Variants in CACNA2D3 observed in about 807,000 individuals in gnomAD.
The protein encoded by CACNA2D3 is voltage-dependent calcium channel subunit alpha-2/delta-3.
Under a neutral mutation model 160.6 loss-of-function variants are expected in CACNA2D3, and 60 were observed. That is an observed-to-expected ratio of 0.37 (90% CI 0.30 to 0.46). CACNA2D3 has a LOEUF of 0.46. Among genes scored for constraint, CACNA2D3 ranks in the 20% least tolerant of loss-of-function variants. The pLI is 1.00. For synonymous variants in CACNA2D3, 558 were observed against 492.9 expected (o/e 1.13, Z -1.75); for missense variants, 1,205 against 1,365.0 (o/e 0.88, Z 1.85).
intron 9 of CACNA2D3, among the ~76,000 whole-genome samples, chr3:54,587,025 G>C (rs1051347647): frequency 6.6e-6 from 1 of 151,990 alleles, no homozygotes. Flanking sequence ...AGCAATGTTA[G>C]GGGAGAAATT....
At chr3:54,974,785 T>G (rs7620724) in intron 29 of CACNA2D3, among the ~76,000 whole-genome samples, 10,840 of 152,268 alleles carry the variant, frequency 0.071, 1,291 homozygotes, top group African/African-American at 0.24. Flanking sequence ...TGCTTACAAG[T>G]GTCTGTTTGA....
chr3:54,877,460 C>T (rs1373932932), intron 18 of CACNA2D3, among the ~76,000 whole-genome samples: 4 of 152,162 alleles, frequency 2.6e-5, no homozygotes, highest in Non-Finnish European at 5.9e-5. Context: ...TCAGTCTTCA[C>T]TACAACTTAA....
At position 54,821,727 on chromosome 3, in the gene CACNA2D3, CTCTCTCTCTT is replaced by C. The variant is rs1182575370; in HGVS notation, c.1398+4867_1398+4876del. Among the ~76,000 whole-genome samples the C allele has an allele frequency of 4.6e-5, 6 of 129,380 alleles. No homozygotes were observed. The East Asian group carries it at 9.6e-4, about 21-fold the overall frequency. The allele number at this position is 129,380 out of a possible 152,430, so 84.9% of individuals were successfully genotyped here. Reference sequence around the variant, plus strand: ...TTCCTTCCTTCTTTCCTCTCTCTCTCTCTCTCTCTTTCTCTCTCTCTCTTTCTCATTCCTT... The same window carrying C: ...TTCCTTCCTTCTTTCCTCTCTCTCTCTCTCTCTCTCTCTTTCTCATTCCTT... On this transcript the variant is annotated intron_variant, in intron 14 of 37. Coordinates refer to ENST00000474759, the MANE Select transcript of CACNA2D3 (RefSeq NM_018398.3).
chr3:54,303,377 T>A (rs1263607540), intron 2 of CACNA2D3, among the ~76,000 whole-genome samples: 1 of 152,232 alleles, frequency 6.6e-6, no homozygotes, highest in Non-Finnish European at 1.5e-5. Context: ...TGTATTTAAT[T>A]TCCTGATGGA....
intron 11 of CACNA2D3, among the ~76,000 whole-genome samples, chr3:54,706,437 T>C (rs1700858749): frequency 6.6e-6 from 1 of 152,226 alleles, no homozygotes; most frequent in African/African-American, 2.4e-5. Flanking sequence ...TTCCCTTTCA[T>C]TCAGGAACAT....
At chr3:54,456,739 T>C (rs1445922354) in intron 4 of CACNA2D3, among the ~76,000 whole-genome samples, 1 of 151,982 alleles carries the variant, frequency 6.6e-6, no homozygotes, top group African/African-American at 2.4e-5. Flanking sequence ...CGGGCTTTTC[T>C]TTATTGGGAG....
At chr3:54,350,883 A>G (rs1311195528) in intron 3 of CACNA2D3, among the ~76,000 whole-genome samples, 1 of 151,626 alleles carries the variant, frequency 6.6e-6, no homozygotes, top group African/African-American at 2.4e-5. Flanking sequence ...TGTGTGTGAC[A>G]CAGTCACTTG....
intron 11 of CACNA2D3, among the ~76,000 whole-genome samples, chr3:54,701,375 C>T (rs938993194): frequency 1.8e-4 from 27 of 152,300 alleles, no homozygotes; most frequent in African/African-American, 6.0e-4. Context: ...TAAGGAATTT[C>T]AAGGAGTCTA....
At chr3:54,699,467 A>G (rs1278774370) in intron 11 of CACNA2D3, among the ~76,000 whole-genome samples, 1 of 152,178 alleles carries the variant, frequency 6.6e-6, no homozygotes, top group African/African-American at 2.4e-5. Context: ...CAAGTTGTTC[A>G]GAAGCCAGCG....
At chr3:55,044,798 T>C (rs967549049) in intron 35 of CACNA2D3, among the ~76,000 whole-genome samples, 2 of 152,180 alleles carry the variant, frequency 1.3e-5, no homozygotes, top group African/African-American at 4.8e-5. Flanking sequence ...CTGTTCCTAA[T>C]TTCTTGAGAT....
chr3:55,037,571 A>G (rs1703851442), intron 35 of CACNA2D3, among the ~76,000 whole-genome samples: 1 of 152,206 alleles, frequency 6.6e-6, no homozygotes, highest in African/African-American at 2.4e-5. Flanking sequence ...GAAGTCTGCC[A>G]TCGCCATCAA....
Position 55,069,148 on chromosome 3 carries a change from C to G in CACNA2D3, c.2988-4297C>G, listed in dbSNP as rs1036694032. Among the ~76,000 whole-genome samples, 23 of 152,314 alleles carry G rather than the reference C, an allele frequency of 1.5e-4. 1 individual carries two copies. The Middle Eastern group carries it at 0.01, about 68-fold the overall frequency. The stretch of plus-strand genomic sequence containing the variant: ...GTGTTTCCTCTTCTATGAATTGTCT[C>G]ACGAGTTTCGATGCTGGATATGGCA... On this transcript the variant is annotated intron_variant, in intron 35 of 37. Coordinates refer to ENST00000474759, the MANE Select transcript of CACNA2D3 (RefSeq NM_018398.3).
At chr3:54,898,228 C>CTTT (rs1182998445) in intron 26 of CACNA2D3, among the ~76,000 whole-genome samples, 1 of 128,184 alleles carries the variant, frequency 7.8e-6, no homozygotes. Context: ...CCCACCCCGT[C>CTTT]TTTTTTTTTT....
intron 11 of CACNA2D3, among the ~76,000 whole-genome samples, chr3:54,690,485 G>A (rs996506864): frequency 1.3e-5 from 2 of 152,116 alleles, no homozygotes; most frequent in Non-Finnish European, 2.9e-5. Flanking sequence ...AATATCTGCT[G>A]AATGAATCAT....
intron 9 of CACNA2D3, among the ~76,000 whole-genome samples, chr3:54,600,079 C>G (rs969155775): frequency 1.3e-5 from 2 of 152,140 alleles, no homozygotes; most frequent in Non-Finnish European, 2.9e-5. Flanking sequence ...GAAGGCATTT[C>G]CCAGGAAGGA....
intron 4 of CACNA2D3, among the ~76,000 whole-genome samples, chr3:54,452,324 C>G (rs1700320935): frequency 6.6e-6 from 1 of 152,186 alleles, no homozygotes; most frequent in Non-Finnish European, 1.5e-5. Flanking sequence ...GCCATGGGAA[C>G]AGTATGGGGG....
intron 11 of CACNA2D3, among the ~76,000 whole-genome samples, chr3:54,712,530 C>T (rs1473434777): frequency 1.3e-5 from 2 of 152,184 alleles, no homozygotes; most frequent in South Asian, 2.1e-4. Flanking sequence ...CCTGCACAAG[C>T]TCCATTCTCT....
intron 11 of CACNA2D3, among the ~76,000 whole-genome samples, chr3:54,702,080 C>T (rs528352768): frequency 6.6e-6 from 1 of 152,162 alleles, no homozygotes; most frequent in Non-Finnish European, 1.5e-5. Context: ...GAAACCAGGC[C>T]CTTTCTTTTC....
At chr3:54,324,597 G>C (rs76803373) in intron 3 of CACNA2D3, among the ~76,000 whole-genome samples, 14,315 of 151,984 alleles carry the variant, frequency 0.094, 859 homozygotes, top group East Asian at 0.18. Flanking sequence ...GCTAGCTATA[G>C]GTTATTTGAT....
Sources: gnomAD v4.1 joint callset for allele counts (sites outside exome capture counted in the v4.1 genomes callset) on GRCh38, gnomAD v4.1.1 for gene constraint, MANE v1.5 for transcripts, NCBI Gene and HGNC (gene_info 2026-07-23, HGNC 2026-07-21) for gene names.